The following OR10R2 variants were observed in gnomAD, a reference collection of about 807,000 sequenced individuals.
The protein encoded by OR10R2 is olfactory receptor 10R2.
OR10R2 carries 1 observed loss-of-function variant against 2.4 expected under a neutral mutation model. The observed-to-expected ratio is 0.41, with a 90% CI of 0.15 to 1.95. The LOEUF (loss-of-function observed/expected upper bound fraction) is 1.95. OR10R2 is among the 30% of genes most tolerant of loss of function. OR10R2 has a pLI of 0.30. For synonymous variants in OR10R2, 166 were observed against 144.8 expected, an observed-to-expected ratio of 1.15 and a Z score of -1.05; for missense variants, 419 against 373.0, an observed-to-expected ratio of 1.12 and a Z score of -1.01.
At chr1:158,477,162 C>T (rs1656287630) in intron 1 of OR10R2, among the ~76,000 whole-genome samples, 1 of 152,128 alleles carries the variant, frequency 6.6e-6, no homozygotes, top group African/African-American at 2.4e-5. Context: ...AAACCCTCAA[C>T]AGACTAGGCT....
intron 1 of OR10R2, among the ~76,000 whole-genome samples, chr1:158,476,422 C>T (rs1357651343): frequency 6.6e-6 from 1 of 151,536 alleles, no homozygotes; most frequent in Admixed American, 6.6e-5. Context: ...GTGGCAGGTG[C>T]CTGTAGTCCC....
At chr1:158,473,970 T>TTTTC (rs200899382) in intron 1 of OR10R2, among the ~76,000 whole-genome samples, 33 of 148,832 alleles carry the variant, frequency 2.2e-4, no homozygotes, top group African/African-American at 8.0e-4. Flanking sequence ...TTTCTTTTTC[T>TTTTC]TTTCTTTCTT....
chr1:158,474,347 A>C (rs1656231533), intron 1 of OR10R2: 1 of 152,214 alleles, frequency 6.6e-6, no homozygotes, highest in African/African-American at 2.4e-5. Context: ...TAAAAATGAA[A>C]AACAGAATGA....
At chr1:158,479,055 C>T (rs1364282767) in intron 1 of OR10R2, among the ~76,000 whole-genome samples, 2 of 152,116 alleles carry the variant, frequency 1.3e-5, no homozygotes, top group Non-Finnish European at 2.9e-5. Context: ...AAATAATCAA[C>T]TTACAATTGT....
At chr1:158,478,424 T>A (rs1055453637) in intron 1 of OR10R2, among the ~76,000 whole-genome samples, 7 of 152,054 alleles carry the variant, frequency 4.6e-5, no homozygotes, top group Admixed American at 3.9e-4. Flanking sequence ...TTAGAAAAAA[T>A]TTCATATAAG....
At chr1:158,478,024 T>G (rs1296806261) in intron 1 of OR10R2, among the ~76,000 whole-genome samples, 1 of 152,120 alleles carries the variant, frequency 6.6e-6, no homozygotes, top group Non-Finnish European at 1.5e-5. Context: ...CATCTGATCT[T>G]CAACAAGGCT....
chr1:158,480,568 T>C, exon 2 of OR10R2: 2 of 1,613,474 alleles, frequency 1.2e-6, no homozygotes, highest in Non-Finnish European at 1.7e-6. Context: ...TGTGGTTCCC[T>C]TTCTGTTTAT....
intron 1 of OR10R2, among the ~76,000 whole-genome samples, chr1:158,475,290 T>C (rs955904279): frequency 3.3e-5 from 5 of 152,110 alleles, no homozygotes; most frequent in African/African-American, 1.2e-4. Context: ...TATAGGCAAC[T>C]TTTAAGAAAT....
intron 1 of OR10R2, among the ~76,000 whole-genome samples, chr1:158,479,301 T>TA (rs1317618638): frequency 6.6e-6 from 1 of 152,168 alleles, no homozygotes; most frequent in African/African-American, 2.4e-5. Flanking sequence ...GTTGACTACA[T>TA]AGACCAATTT....
At chr1:158,478,532 C>T (rs1490948759) in intron 1 of OR10R2, among the ~76,000 whole-genome samples, 2 of 152,158 alleles carry the variant, frequency 1.3e-5, no homozygotes, top group Non-Finnish European at 2.9e-5. Flanking sequence ...CAAAGGTATA[C>T]TACATTGCTT....
chr1:158,473,134 T>C (rs1571290845), intron 1 of OR10R2, among the ~76,000 whole-genome samples: 2 of 152,348 alleles, frequency 1.3e-5, no homozygotes, highest in South Asian at 4.1e-4. Context: ...GAAAAATACC[T>C]ACAAATTAGT....
intron 1 of OR10R2, among the ~76,000 whole-genome samples, chr1:158,476,574 TTAAAA>T (rs146347205): frequency 0.026 from 3,794 of 147,956 alleles, 83 homozygotes; most frequent in African/African-American, 0.056. Flanking sequence ...AGGAAAAAAA[TTAAAA>T]TAATTAAACT....
intron 1 of OR10R2, among the ~76,000 whole-genome samples, chr1:158,473,765 T>TTCCTTCTTCCTTCCTCCCTCCC (rs1557874936): frequency 1.4e-5 from 1 of 72,862 alleles, no homozygotes; most frequent in Admixed American, 1.3e-4. Flanking sequence ...TTATCCTTCC[T>TTCCTTCTTCCTTCCTCCCTCCC]TCCTTCCTTC....
At position 158,473,904 on chromosome 1, in the gene OR10R2, T is replaced by C. The variant is rs143011824; in HGVS notation, c.27+1552T>C. ...TCCTCCCTCCTTCCCTCTTTCCCTCTCTGCTTCCTTCCTTCCCTCCCTCCC... is the reference window on the plus strand; with the variant it reads ...TCCTCCCTCCTTCCCTCTTTCCCTCCCTGCTTCCTTCCTTCCCTCCCTCCC... On this transcript the variant is annotated intron_variant, in intron 1 of 1. Transcript: ENST00000641067. 5.1e-3 allele frequency among the ~76,000 whole-genome samples: 713 copies of C among 139,232 alleles called. 14 individuals are homozygous for C. The highest frequency in any genetic ancestry group is 0.019 in the African/African-American group (670 of 34,552). The allele number at this position is 139,232 out of a possible 152,430, so 91.3% of individuals were successfully genotyped here.
intron 1 of OR10R2, among the ~76,000 whole-genome samples, chr1:158,477,882 A>T (rs1656298815): frequency 6.6e-6 from 1 of 152,188 alleles, no homozygotes; most frequent in Admixed American, 6.5e-5. Context: ...AGAGAGAAGC[A>T]TCATACTAGC....
chr1:158,475,968 T>C (rs913439426), intron 1 of OR10R2, among the ~76,000 whole-genome samples: 2 of 152,098 alleles, frequency 1.3e-5, no homozygotes, highest in Non-Finnish European at 2.9e-5. Context: ...ATGTTTTATA[T>C]TTTAAAAATC....
At chr1:158,480,372 A>G in exon 2 of OR10R2, 1 of 1,614,128 alleles carries the variant, frequency 6.2e-7, no homozygotes, top group Non-Finnish European at 8.5e-7. Context: ...GAAAACTGGC[A>G]GCTGCCTGTG....
In OR10R2 at chr1:158,480,556, C is replaced by A. The variant is rs1185099168; in HGVS notation, c.646C>A (p.Leu216Ile). 6.2e-7 allele frequency: 1 copy of A among 1,613,228 alleles called. No homozygotes were observed. The highest frequency in any genetic ancestry group is 1.7e-5 in the Admixed American group (1 of 59,968). ...GATATTCATTTGTGGAGTTCTTGTA[C>A]TTGTGGTTCCCTTTCTGTTTATCTG... is the stretch of plus-strand genomic sequence containing the variant. Residue 216 changes from leucine to isoleucine, a missense_variant, in exon 2 of 2, where the codon CTT becomes ATT. Coordinates refer to ENST00000641067, the Ensembl canonical transcript of OR10R2.
intron 1 of OR10R2, among the ~76,000 whole-genome samples, chr1:158,479,606 C>A (rs563288311): frequency 2.5e-4 from 38 of 152,128 alleles, no homozygotes; most frequent in South Asian, 1.2e-3. Flanking sequence ...ATTATACAAG[C>A]TCAAGGAATT....
Sources: allele counts gnomAD v4.1 joint callset (sites outside exome capture counted in the v4.1 genomes callset), GRCh38; gene constraint gnomAD v4.1.1; transcripts MANE v1.5; gene names NCBI Gene and HGNC (gene_info 2026-07-23, HGNC 2026-07-21).